PCDHGA5: variants seen among roughly 807,000 people sequenced by gnomAD.
PCDHGA5 encodes the protein protocadherin gamma subfamily A, 5, also known as protocadherin gamma-A5.
Under a neutral mutation model 56.7 loss-of-function variants are expected in PCDHGA5, and 36 were observed. That is an observed-to-expected ratio of 0.64 (90% CI 0.49 to 0.84). PCDHGA5 has a LOEUF of 0.84. Ranked by LOEUF, PCDHGA5 falls within the 40% of genes least tolerant of loss-of-function variation. The pLI, the probability that PCDHGA5 is intolerant of heterozygous loss-of-function variation, is 0.00. For synonymous variants in PCDHGA5, 563 were observed against 520.2 expected (o/e 1.08, Z -1.12); for missense variants, 1,305 against 1,201.5 (o/e 1.09, Z -1.27).
intron 1 of PCDHGA5, among the ~76,000 whole-genome samples, chr5:141,387,359 C>A (rs2150333777): frequency 6.6e-6 from 1 of 152,208 alleles, no homozygotes; most frequent in East Asian, 1.9e-4. Flanking sequence ...TAGGCCAAGT[C>A]TGTGTTATGG....
At position 141,432,370 on chromosome 5, in the gene PCDHGA5, C is replaced by A. The variant is rs1362496624; in HGVS notation, c.2422-62437C>A. On this transcript the variant is annotated intron_variant, in intron 1 of 3. Transcript: ENST00000518069. The surrounding 1 kb of genome is among the most constrained non-coding windows in gnomAD (Gnocchi z 6.0). Reference sequence around the variant, plus strand: ...AAGTGAAAGTGATGGCGCGGGACAACGGGCACCCGCCCCTCAGCAGCAACG... The same window carrying A: ...AAGTGAAAGTGATGGCGCGGGACAAAGGGCACCCGCCCCTCAGCAGCAACG... The A allele has an allele frequency of 6.2e-7, 1 of 1,614,240 alleles. No homozygotes were observed. The highest frequency in any genetic ancestry group is 8.5e-7 in the Non-Finnish European group (1 of 1,180,048).
rs961891623 is a variant in PCDHGA5 at position 141,487,938 on chromosome 5, GC to G, written c.2422-6868del. The G allele has an allele frequency of 2.8e-5, 17 of 600,188 alleles. No homozygotes were observed. The highest frequency in any genetic ancestry group is 4.7e-5 in the Non-Finnish European group (16 of 342,978). 37.2% of individuals were successfully genotyped at this position (600,188 alleles called of 1,614,324 possible). ...GAGGCTACAGTGCACAGGGTACAGTGCACCAGGCAGTCACTTGGACAAAGGT... is the reference window on the plus strand; with the variant it reads ...GAGGCTACAGTGCACAGGGTACAGTGACCAGGCAGTCACTTGGACAAAGGT... On this transcript the variant is annotated intron_variant, in intron 1 of 3. Coordinates refer to ENST00000518069, the MANE Select transcript of PCDHGA5 (RefSeq NM_018918.3). The surrounding 1 kb of genome is among the most constrained non-coding windows in gnomAD (Gnocchi z 5.0).
Position 141,476,443 on chromosome 5 carries a change from G to A in PCDHGA5, c.2422-18364G>A, listed in dbSNP as rs752285213. 1 of 1,614,044 alleles carries A rather than the reference G, an allele frequency of 6.2e-7. No individual in the cohort carries two copies. The highest frequency in any genetic ancestry group is 8.5e-7 in the Non-Finnish European group (1 of 1,180,038). ...TGCCCTCTTGCACTGTAACTCTGGAGTTGGTAGTGGAGAACCCGCTGGAGC... is the reference window on the plus strand; with the variant it reads ...TGCCCTCTTGCACTGTAACTCTGGAATTGGTAGTGGAGAACCCGCTGGAGC... On this transcript the variant is annotated intron_variant, in intron 1 of 3. Transcript: ENST00000518069. This position sits in a 1 kb window ranked among gnomAD's most constrained non-coding sequence, Gnocchi z 7.6.
At chr5:141,421,986 AG>A in intron 1 of PCDHGA5, 2 of 1,609,004 alleles carry the variant, frequency 1.2e-6, no homozygotes, top group Non-Finnish European at 1.7e-6. Flanking sequence ...TGAGTGTTCC[AG>A]AAAACATCAG....
intron 1 of PCDHGA5, chr5:141,421,221 G>A (rs746753262): frequency 6.3e-7 from 1 of 1,576,508 alleles, no homozygotes; most frequent in Non-Finnish European, 8.6e-7. Context: ...TCGGCTTAGA[G>A]CCTGCCATGG....
At chr5:141,482,957 C>A (rs2099575063) in intron 1 of PCDHGA5, among the ~76,000 whole-genome samples, 2 of 57,944 alleles carry the variant, frequency 3.5e-5, no homozygotes, top group Admixed American at 1.5e-4. Context: ...CCTGTAATTC[C>A]AGCTACTTGA....
intron 1 of PCDHGA5, among the ~76,000 whole-genome samples, chr5:141,387,440 A>G (rs2090946110): frequency 6.6e-6 from 1 of 152,240 alleles, no homozygotes; most frequent in African/African-American, 2.4e-5. Flanking sequence ...TATGTACTTA[A>G]TCTACATGAT....
intron 1 of PCDHGA5, chr5:141,384,186 T>A: frequency 6.2e-7 from 1 of 1,613,730 alleles, no homozygotes; most frequent in Non-Finnish European, 8.5e-7. Flanking sequence ...ATGGTGGAAC[T>A]CCTCCCTTGT....
intron 1 of PCDHGA5, among the ~76,000 whole-genome samples, chr5:141,368,076 A>G (rs1765474511): frequency 6.6e-6 from 1 of 152,210 alleles, no homozygotes; most frequent in South Asian, 2.1e-4. Flanking sequence ...TCCCTTCTGC[A>G]TCTGATTTGC....
At chr5:141,414,692 C>T (rs2095777962) in intron 1 of PCDHGA5, 1 of 1,613,918 alleles carries the variant, frequency 6.2e-7, no homozygotes, top group African/African-American at 1.3e-5. Flanking sequence ...GTACCTCTGT[C>T]CTCATACATA....
chr5:141,463,438 CTTTTTTTTTTTT>C (rs71576115), intron 1 of PCDHGA5, among the ~76,000 whole-genome samples: 6 of 103,254 alleles, frequency 5.8e-5, no homozygotes, highest in Admixed American at 3.1e-4. Flanking sequence ...TTTCCTTCTC[CTTTTTTTTTTTT>C]TTTTTTTTTT....
intron 1 of PCDHGA5, chr5:141,383,684 T>A: frequency 4.3e-6 from 7 of 1,614,014 alleles, no homozygotes; most frequent in Non-Finnish European, 5.9e-6. Context: ...ACAAGACTGC[T>A]CACGGTACAT....
intron 1 of PCDHGA5, chr5:141,394,269 C>G (rs367765478): frequency 1.1e-5 from 17 of 1,613,830 alleles, no homozygotes; most frequent in Admixed American, 1.7e-5. Flanking sequence ...GGAGAATGCC[C>G]AGGTCACTTA....
chr5:141,366,931 G>GA, intron 1 of PCDHGA5, 180 bp downstream of exon 1: 2 of 939,892 alleles, frequency 2.1e-6, no homozygotes, highest in Non-Finnish European at 3.0e-6. Context: ...TCTGTTTTGG[G>GA]AAGTCTAGCT....
Position 141,365,086 on chromosome 5 carries a change from A to G in PCDHGA5, c.756A>G (p.Pro252=). Residue 252 remains proline (P), a synonymous_variant, in exon 1 of 4, where the codon CCA becomes CCG. Coordinates refer to ENST00000518069, the MANE Select transcript of PCDHGA5 (RefSeq NM_018918.3). Reference sequence around the variant, plus strand: ...CATCCGAGTACAGCGTGAGTGTTCCAGAGAACATACCTGTGGGCACTCGGC... The same window carrying G: ...CATCCGAGTACAGCGTGAGTGTTCCGGAGAACATACCTGTGGGCACTCGGC... ...FTPSEYSVSV[P]ENIPVGTRLL... is the part of the protein sequence containing the mutation. 1 of 1,613,892 alleles carries G rather than the reference A, an allele frequency of 6.2e-7. No homozygotes were observed. The highest frequency in any genetic ancestry group is 8.5e-7 in the Non-Finnish European group (1 of 1,179,882).
At chr5:141,395,351 G>A (rs2093220052) in intron 1 of PCDHGA5, 1 of 1,366,364 alleles carries the variant, frequency 7.3e-7, no homozygotes, top group East Asian at 2.5e-5. Context: ...GTGTATCACA[G>A]AGTTTTGGGT....
At chr5:141,419,652 CG>C (rs767047378) in intron 1 of PCDHGA5, 3 of 1,612,590 alleles carry the variant, frequency 1.9e-6, no homozygotes, top group Non-Finnish European at 1.7e-6. Context: ...GACGCGGACT[CG>C]GGGCACAATG....
intron 1 of PCDHGA5, chr5:141,417,651 A>G (rs2154547111): frequency 1.2e-6 from 1 of 822,038 alleles, no homozygotes; most frequent in Non-Finnish European, 1.8e-6. Flanking sequence ...CTCAGCCTCT[A>G]GCCTGGGATT....
At chr5:141,384,983 T>C (rs944174966) in intron 1 of PCDHGA5, 1 of 1,614,026 alleles carries the variant, frequency 6.2e-7, no homozygotes, top group Non-Finnish European at 8.5e-7. Context: ...TACCTGGTGG[T>C]GGCGGTGGCC....
Sources: gnomAD v4.1 joint callset for allele counts (sites outside exome capture counted in the v4.1 genomes callset) on GRCh38, gnomAD v4.1.1 for gene constraint, Gnocchi (gnomAD v3.1) non-coding constraint, MANE v1.5 for transcripts, NCBI Gene and HGNC (gene_info 2026-07-23, HGNC 2026-07-21) for gene names.